ATG10: variants seen among roughly 807,000 people sequenced by gnomAD.
ATG10 encodes ubiquitin-like-conjugating enzyme ATG10.
ATG10 carries 30 observed loss-of-function variants against 32.1 expected under a neutral mutation model. That is an observed-to-expected ratio of 0.94 (90% CI 0.70 to 1.27). The LOEUF (loss-of-function observed/expected upper bound fraction) is 1.27, where lower values mean the gene tolerates loss of function less well. Ranked by LOEUF, ATG10 falls within the 50% of genes most tolerant of loss-of-function variation. ATG10 has a pLI of 0.00. For missense variants in ATG10, 233 were observed against 262.3 expected (o/e 0.89, Z 0.77); for synonymous variants, 87 against 91.5 (o/e 0.95, Z 0.28).
At chr5:82,020,248 A>G (rs1426734931) in intron 2 of ATG10, among the ~76,000 whole-genome samples, 1 of 152,196 alleles carries the variant, frequency 6.6e-6, no homozygotes, top group Non-Finnish European at 1.5e-5. Context: ...CTTCATTTTG[A>G]GAAGCTTATT....
At chr5:82,093,408 A>T (rs547341246) in intron 3 of ATG10, among the ~76,000 whole-genome samples, 35 of 152,180 alleles carry the variant, frequency 2.3e-4, no homozygotes, top group African/African-American at 8.4e-4. Context: ...CTCAGTCATT[A>T]TAGTTTTCAT....
Position 81,981,461 on chromosome 5 carries a change from A to G in ATG10, c.-12-6098A>G, listed in dbSNP as rs568668487. ...CTGAATCAATTCAAGCCAAATTGCC[A>G]TAAAAGTAGTGGGTTGATGTTTAAC... On this transcript the variant is annotated intron_variant, in intron 1 of 7. Coordinates refer to ENST00000282185, the MANE Select transcript of ATG10 (RefSeq NM_031482.5). 2.0e-5 allele frequency among the ~76,000 whole-genome samples: 3 copies of G among 152,178 alleles called. No individual in the cohort carries two copies. The South Asian group carries it at 6.2e-4, about 32-fold the overall frequency.
chr5:82,065,463 G>C (rs1304685491), intron 3 of ATG10, among the ~76,000 whole-genome samples: 1 of 150,394 alleles, frequency 6.6e-6, no homozygotes, highest in Admixed American at 6.6e-5. Context: ...GCCTGGGCGA[G>C]AGAGCAAGAC....
Position 82,107,593 on chromosome 5 carries a change from C to T in ATG10, c.216+48991C>T, listed in dbSNP as rs182166143. The stretch of plus-strand genomic sequence containing the variant: ...TACAATGAATAATTTGTTGATTTTA[C>T]ATTTTTACTGTATAGTTTTAACTTC... On this transcript the variant is annotated intron_variant, in intron 3 of 7. Transcript: ENST00000282185. Among the ~76,000 whole-genome samples the T allele has an allele frequency of 1.4e-4, 22 of 152,130 alleles. No homozygotes were observed. The East Asian group carries it at 2.1e-3, about 15-fold the overall frequency.
In ATG10 at chr5:82,164,855, A is replaced by G. The variant is rs1249794595; in HGVS notation, c.355+318A>G. ...CAACTTAAAGCTACAATGTTTATTT[A>G]CTTCTAACTTTACAGTAAAAATTTA... On this transcript the variant is annotated intron_variant, in intron 4 of 7. Coordinates refer to ENST00000282185, the MANE Select transcript of ATG10 (RefSeq NM_031482.5). Among the ~76,000 whole-genome samples, 4 of 152,276 alleles carry G rather than the reference A, an allele frequency of 2.6e-5. No individual in the cohort carries two copies. In the East Asian group the frequency reaches 7.7e-4, roughly 29 times the overall value.
chr5:82,022,947 A>G (rs1478066775), intron 2 of ATG10, among the ~76,000 whole-genome samples: 1 of 151,566 alleles, frequency 6.6e-6, no homozygotes, highest in Admixed American at 6.6e-5. Context: ...TATCTATTCC[A>G]TACCACCATT....
chr5:82,121,409 G>T (rs1766033916), intron 3 of ATG10, among the ~76,000 whole-genome samples: 1 of 152,170 alleles, frequency 6.6e-6, no homozygotes, highest in South Asian at 2.1e-4. Flanking sequence ...CCTACAAGCA[G>T]GGATGATTTG....
intron 5 of ATG10, among the ~76,000 whole-genome samples, chr5:82,210,466 T>C (rs950080362): frequency 6.6e-5 from 10 of 152,210 alleles, no homozygotes; most frequent in African/African-American, 2.4e-4. Flanking sequence ...AAATCCTATG[T>C]GTTTACCAGG....
intron 5 of ATG10, among the ~76,000 whole-genome samples, chr5:82,220,210 G>C (rs1347700887): frequency 6.6e-6 from 1 of 152,176 alleles, no homozygotes; most frequent in South Asian, 2.1e-4. Flanking sequence ...AGCTAATGCT[G>C]GTGGCTGGGA....
intron 1 of ATG10, among the ~76,000 whole-genome samples, chr5:81,973,512 C>T (rs1312107638): frequency 2.6e-5 from 4 of 152,214 alleles, no homozygotes; most frequent in African/African-American, 9.6e-5. Flanking sequence ...TGCTTTTGAG[C>T]ACACTAAGCC....
chr5:82,178,541 A>G lies in ATG10; in HGVS notation c.407A>G (p.Tyr136Cys), dbSNP rs772005960. Residue 136 changes from tyrosine (Y) to cysteine (C), a missense_variant, in exon 5 of 8, where the codon TAT becomes TGT. Coordinates refer to ENST00000282185, the MANE Select transcript of ATG10 (RefSeq NM_031482.5). ...ATATGGGAAGGAGTTCATGAGTGCT[A>G]TAAGATGCGACTGCTACAGGGACCA... is the stretch of plus-strand genomic sequence containing the variant. Reference protein sequence around the residue: ...KDIWEGVHECYKMRLLQGPWD... With the variant: ...KDIWEGVHECCKMRLLQGPWD... 1 of 1,612,556 alleles carries G rather than the reference A, an allele frequency of 6.2e-7. No individual in the cohort carries two copies. Among genetic ancestry groups the G allele is most frequent in the South Asian group, 1.1e-5 (1 of 91,016 alleles).
intron 3 of ATG10, among the ~76,000 whole-genome samples, chr5:82,060,684 T>C (rs1416696610): frequency 6.6e-6 from 1 of 152,086 alleles, no homozygotes; most frequent in Non-Finnish European, 1.5e-5. Flanking sequence ...GTCAACATGG[T>C]GAAACCCCCA....
chr5:81,986,929 G>A (rs769069468), intron 1 of ATG10, among the ~76,000 whole-genome samples: 24 of 151,966 alleles, frequency 1.6e-4, no homozygotes, highest in Middle Eastern at 3.4e-3. Flanking sequence ...TGTAATCCCC[G>A]CTCCTCGAGA....
At chr5:82,130,403 C>G (rs1461051308) in intron 3 of ATG10, among the ~76,000 whole-genome samples, 1 of 152,018 alleles carries the variant, frequency 6.6e-6, no homozygotes, top group African/African-American at 2.4e-5. Flanking sequence ...AAAAAAAAAG[C>G]CCTGCAGCTA....
chr5:82,009,612 C>T (rs1355930094), intron 2 of ATG10: 42 of 1,589,294 alleles, frequency 2.6e-5, no homozygotes, highest in Middle Eastern at 1.8e-4. Context: ...GAGTTGTCCA[C>T]AGTCAGCAAT....
intron 5 of ATG10, among the ~76,000 whole-genome samples, chr5:82,248,175 A>G (rs1747107754): frequency 6.6e-6 from 1 of 152,158 alleles, no homozygotes; most frequent in South Asian, 2.1e-4. Context: ...TGGAGAACTT[A>G]TCTACCCCTT....
chr5:82,207,357 G>A (rs770019834), intron 5 of ATG10, among the ~76,000 whole-genome samples: 1 of 152,056 alleles, frequency 6.6e-6, no homozygotes, highest in Non-Finnish European at 1.5e-5. Flanking sequence ...AGCCCTACTG[G>A]TGGATGCATT....
chr5:81,988,382 A>G (rs894943424), intron 2 of ATG10, among the ~76,000 whole-genome samples: 2 of 151,538 alleles, frequency 1.3e-5, no homozygotes, highest in Non-Finnish European at 3.0e-5. Context: ...CAAGTGATCC[A>G]CCCGCCTCAG....
chr5:82,178,797 A>G (rs1581775071), intron 5 of ATG10, among the ~76,000 whole-genome samples: 1 of 152,084 alleles, frequency 6.6e-6, no homozygotes, highest in Non-Finnish European at 1.5e-5. Flanking sequence ...AGAGTGCCCT[A>G]TAATTATCCT....
Sources: gnomAD v4.1 joint callset for allele counts (sites outside exome capture counted in the v4.1 genomes callset) on GRCh38, gnomAD v4.1.1 for gene constraint, MANE v1.5 for transcripts, NCBI Gene and HGNC (gene_info 2026-07-23, HGNC 2026-07-21) for gene names.